The following USP7 variants were observed in gnomAD, a reference collection of about 807,000 sequenced individuals.
USP7 encodes the protein ubiquitin C-terminal hydrolase 7.
USP7 carries 9 observed loss-of-function variants against 162.9 expected under a neutral mutation model. That is an observed-to-expected ratio of 0.06 (90% CI 0.03 to 0.10). The LOEUF (loss-of-function observed/expected upper bound fraction) is 0.10. Among genes scored for constraint, USP7 ranks in the 10% least tolerant of loss-of-function variants. The probability of loss-of-function intolerance (pLI) is 1.00; values close to 1 mark genes in which losing one functional copy is unlikely to be tolerated. For synonymous variants in USP7, 562 were observed against 475.9 expected (o/e 1.18, Z -2.35); for missense variants, 715 against 1,373.7 (o/e 0.52, Z 7.58).
In USP7 at chr16:8,936,592, C is replaced by CA. The variant is rs770099597; in HGVS notation, c.80-6196dup. The CA allele has an allele frequency of 3.9e-6, 6 of 1,550,726 alleles. No homozygotes were observed. The East Asian group carries it at 1.4e-4, about 37-fold the overall frequency. ...TGAAAACCTGACTCACCTTCCAGCCCAAGCCTGTGGTTCCCAGCCATCTCT... is the reference window on the plus strand; with the variant it reads ...TGAAAACCTGACTCACCTTCCAGCCCAAAGCCTGTGGTTCCCAGCCATCTCT... On this transcript the variant is annotated intron_variant, in intron 1 of 30. Transcript: ENST00000344836.
At chr16:8,920,558 T>A in intron 4 of USP7, 111 bp from the exon 5 acceptor site, 6 of 877,352 alleles carry the variant, frequency 6.8e-6, no homozygotes, top group Non-Finnish European at 1.0e-5. Context: ...TACTTTTTTT[T>A]TAAATACATC....
chr16:8,925,587 C>G (rs975071654), intron 2 of USP7, among the ~76,000 whole-genome samples: 9 of 152,172 alleles, frequency 5.9e-5, no homozygotes, highest in African/African-American at 2.2e-4. Context: ...AATGGTGAGA[C>G]TCAGAATTGA....
intron 1 of USP7, among the ~76,000 whole-genome samples, chr16:8,938,039 A>C (rs1898847796): frequency 6.6e-6 from 1 of 152,156 alleles, no homozygotes; most frequent in African/African-American, 2.4e-5. Flanking sequence ...GCCCCAGGGT[A>C]AGGCAGGGCA....
intron 1 of USP7, among the ~76,000 whole-genome samples, chr16:8,957,710 A>G (rs1210025779): frequency 6.6e-6 from 1 of 151,914 alleles, no homozygotes; most frequent in Non-Finnish European, 1.5e-5. Flanking sequence ...GTGAGCTATG[A>G]TCGCCCACTG....
At chr16:8,928,844 A>T (rs76010282) in intron 2 of USP7, among the ~76,000 whole-genome samples, 1 of 152,120 alleles carries the variant, frequency 6.6e-6, no homozygotes, top group Admixed American at 6.6e-5. Flanking sequence ...GACTTTACCC[A>T]TATTGTCCCC....
intron 13 of USP7, 78 bp from the exon 14 acceptor site, chr16:8,905,409 AAAAT>A: frequency 6.4e-7 from 1 of 1,559,372 alleles, no homozygotes; most frequent in Non-Finnish European, 8.8e-7. Flanking sequence ...GCGTTGTTCT[AAAAT>A]GTGTGAACTT....
At chr16:8,936,515 G>T in intron 1 of USP7, 2 of 1,425,184 alleles carry the variant, frequency 1.4e-6, no homozygotes, top group South Asian at 2.9e-5. Context: ...GTTTGGCTGA[G>T]ACATGTCAGT....
intron 18 of USP7, among the ~76,000 whole-genome samples, chr16:8,901,761 T>C (rs1429762333): frequency 1.3e-5 from 2 of 152,172 alleles, no homozygotes; most frequent in Non-Finnish European, 2.9e-5. Flanking sequence ...GCCTGAGATA[T>C]TGCCTATGTG....
At chr16:8,924,063 A>G (rs1346351950) in intron 2 of USP7, among the ~76,000 whole-genome samples, 4 of 152,196 alleles carry the variant, frequency 2.6e-5, no homozygotes, top group Non-Finnish European at 5.9e-5. Context: ...TTGTTAAATG[A>G]TAACAAGACC....
At chr16:8,911,516 A>T (rs1369883879) in intron 10 of USP7, among the ~76,000 whole-genome samples, 1 of 152,182 alleles carries the variant, frequency 6.6e-6, no homozygotes, top group African/African-American at 2.4e-5. Context: ...TGAAGGAAAA[A>T]CGCAACTGCA....
chr16:8,922,429 G>A (rs1372166110), intron 3 of USP7, among the ~76,000 whole-genome samples: 1 of 152,174 alleles, frequency 6.6e-6, no homozygotes, highest in Non-Finnish European at 1.5e-5. Flanking sequence ...TGGAGGTTGT[G>A]GTGAGCCAAG....
At chr16:8,918,900 G>C in intron 6 of USP7, 131 bp downstream of exon 6, 2 of 858,100 alleles carry the variant, frequency 2.3e-6, no homozygotes, top group Non-Finnish European at 3.8e-6. Context: ...AACGCAGCAT[G>C]AACTAGCAGC....
intron 1 of USP7, among the ~76,000 whole-genome samples, chr16:8,945,046 G>T (rs899427592): frequency 1.3e-5 from 2 of 152,240 alleles, no homozygotes; most frequent in Admixed American, 6.5e-5. Context: ...GAGGTCAGGA[G>T]TTCAAGACCA....
chr16:8,930,365 G>T lies in USP7; in HGVS notation c.112C>A (p.Gln38Lys), dbSNP rs773653401. The T allele has an allele frequency of 1.2e-6, 2 of 1,612,706 alleles. No individual in the cohort carries two copies. Among genetic ancestry groups the T allele is most frequent in the Non-Finnish European group, 8.5e-7 (1 of 1,179,458 alleles). ...GDTDDPPRIT[Q>K]NPVINGNVAL... ...ACATTCCCATTGATCACAGGGTTCT[G>T]AGTAATTCTTGGTGGGTCATCTGTA... The change falls in exon 2 of 31, where the codon CAG becomes AAG. Residue 38 changes from glutamine to lysine, a missense_variant. Physicochemically the swap from Gln to Lys is moderately conservative, Grantham distance 53 (BLOSUM62 1). Transcript: ENST00000344836.
At chr16:8,907,056 T>C (rs1157143201) in intron 12 of USP7, among the ~76,000 whole-genome samples, 1 of 152,192 alleles carries the variant, frequency 6.6e-6, no homozygotes, top group Non-Finnish European at 1.5e-5. Context: ...GAAGGCAAGT[T>C]AGACGGGTGG....
At chr16:8,916,378 A>T (rs1897369554) in intron 8 of USP7, 124 bp downstream of exon 8, 3 of 1,017,760 alleles carry the variant, frequency 2.9e-6, no homozygotes, top group Non-Finnish European at 2.8e-6. Context: ...TTGTAGCCTA[A>T]GTCTGATCCT....
chr16:8,917,497 GCCTC>G (rs1335885838), intron 6 of USP7, among the ~76,000 whole-genome samples: 3 of 152,172 alleles, frequency 2.0e-5, no homozygotes, highest in Admixed American at 6.5e-5. Context: ...TCCTGCCTCA[GCCTC>G]CCGAGTAGCT....
In USP7 at chr16:8,903,380, C is replaced by T; in HGVS notation, c.1727G>A (p.Cys576Tyr). ...QVQIVAEDQF[C>Y]GHQGNDMYDE... ...GTACATGTCATTCCCTTGGTGGCCA[C>T]AAAACTGGTCCTCTGCGACTATCTG... Residue 576 changes from cysteine (C) to tyrosine (Y), a missense_variant, in exon 16 of 31, where the codon TGT becomes TAT. Around this residue, in one of 11 missense-constraint regions of USP7, gnomAD observed 197 missense variants for 306.5 expected, o/e 0.64. Coordinates refer to ENST00000344836, the MANE Select transcript of USP7 (RefSeq NM_003470.3). 1 of 1,613,966 alleles carries T rather than the reference C, an allele frequency of 6.2e-7. No homozygotes were observed. The highest frequency in any genetic ancestry group is 8.5e-7 in the Non-Finnish European group (1 of 1,179,930).
rs982821739 is a variant in USP7, at chr16:8,963,705, G to A, written c.-420C>T. ...AGCCCCGCCTCGGGCCGGGCGCGGC[G>A]GACGGGAGGCCTGGCCGGCCGCGGC... On this transcript the variant is annotated 5_prime_UTR_variant, in exon 1 of 31. Coordinates refer to ENST00000344836, the MANE Select transcript of USP7 (RefSeq NM_003470.3). Among the ~76,000 whole-genome samples, 1 of 143,458 alleles carries A rather than the reference G, an allele frequency of 7.0e-6. No homozygotes were observed. The highest frequency in any genetic ancestry group is 2.5e-5 in the African/African-American group (1 of 40,090). 94.1% of individuals were successfully genotyped at this position (143,458 alleles called of 152,430 possible). A position where few individuals can be genotyped will look rare whatever the true frequency, so the allele number is the denominator to read the frequency against.
Sources: allele counts gnomAD v4.1 joint callset (sites outside exome capture counted in the v4.1 genomes callset), GRCh38; gene constraint gnomAD v4.1.1; regional missense constraint gnomAD v4.1.1; transcripts MANE v1.5; gene names NCBI Gene and HGNC (gene_info 2026-07-23, HGNC 2026-07-21).